Variants in DYNC2H1 observed in about 807,000 individuals in gnomAD.
The protein encoded by DYNC2H1 is dynein cytoplasmic 2 heavy chain 1.
In DYNC2H1, 410 loss-of-function variants were observed where a neutral mutation model predicts 570.0. The observed-to-expected ratio is 0.72, with a 90% CI of 0.66 to 0.78. DYNC2H1 has a LOEUF of 0.78. Ranked by LOEUF, DYNC2H1 falls within the 30% of genes least tolerant of loss-of-function variation. DYNC2H1 has a pLI of 0.00. For synonymous variants in DYNC2H1, 1,688 were observed against 1,677.6 expected, an observed-to-expected ratio of 1.01 and a Z score of -0.15; for missense variants, 4,865 against 5,046.4, an observed-to-expected ratio of 0.96 and a Z score of 1.09.
chr11:103,255,453 A>G lies in DYNC2H1; in HGVS notation c.10245A>G (p.Leu3415=). Residue 3415 remains leucine (L), a synonymous_variant, in exon 67 of 89, where the codon TTA becomes TTG. Coordinates refer to ENST00000375735, the MANE Select transcript of DYNC2H1 (RefSeq NM_001377.3). ...ALTIQHEKPD[L]EEQKTKLLQQ... ...CCATTCAGCATGAGAAACCTGATTT[A>G]GAAGAACAGAAAACAAAACTATTAC... 4 of 1,568,670 alleles carry G rather than the reference A, an allele frequency of 2.5e-6. No individual in the cohort carries two copies. Among genetic ancestry groups the G allele is most frequent in the Middle Eastern group, 3.3e-4 (2 of 5,996 alleles).
chr11:103,341,069 G>C (rs1477918680), intron 82 of DYNC2H1, among the ~76,000 whole-genome samples: 1 of 152,092 alleles, frequency 6.6e-6, no homozygotes, highest in Non-Finnish European at 1.5e-5. Context: ...AGGCAAAGAA[G>C]TGACAAGGCT....
intron 29 of DYNC2H1, 83 bp from the exon 30 acceptor site, chr11:103,162,945 G>T (rs977750694): frequency 1.6e-6 from 2 of 1,248,362 alleles, no homozygotes; most frequent in African/African-American, 1.5e-5. Context: ...TTAGTAGATT[G>T]TATATTTATT....
intron 81 of DYNC2H1, among the ~76,000 whole-genome samples, chr11:103,321,522 T>C (rs978173384): frequency 3.3e-5 from 5 of 152,116 alleles, no homozygotes; most frequent in Admixed American, 6.5e-5. Context: ...AGGACTGCTG[T>C]GAAAAGCTGA....
chr11:103,212,054 G>A (rs1213170622), intron 54 of DYNC2H1, 111 bp downstream of exon 54: 2 of 1,207,364 alleles, frequency 1.7e-6, no homozygotes, highest in Non-Finnish European at 2.1e-6. Context: ...TAAATGTACT[G>A]TATTAAAAGC....
intron 47 of DYNC2H1, among the ~76,000 whole-genome samples, chr11:103,192,885 A>G (rs1026302711): frequency 2.0e-5 from 3 of 152,192 alleles, no homozygotes; most frequent in Non-Finnish European, 4.4e-5. Flanking sequence ...TTCCTAATAA[A>G]ACTGCTGTCA....
Position 103,390,992 on chromosome 11 carries a change from G to C in DYNC2H1, c.12157-8671G>C, listed in dbSNP as rs192708236. On this transcript the variant is annotated intron_variant, in intron 83 of 88. Coordinates refer to ENST00000375735, the MANE Select transcript of DYNC2H1 (RefSeq NM_001377.3). Reference sequence around the variant, plus strand: ...TATGTGTTTTGGAGTTGCTCTTCTCGAGGAGTATCTTTGTGGCATTCTCTG... The same window carrying C: ...TATGTGTTTTGGAGTTGCTCTTCTCCAGGAGTATCTTTGTGGCATTCTCTG... Among the ~76,000 whole-genome samples, 33 of 152,102 alleles carry C rather than the reference G, an allele frequency of 2.2e-4. No homozygotes were observed. The East Asian group carries it at 4.3e-3, about 20-fold the overall frequency.
chr11:103,126,928 G>A (rs1005982287), intron 12 of DYNC2H1, among the ~76,000 whole-genome samples: 4 of 152,146 alleles, frequency 2.6e-5, no homozygotes, highest in Admixed American at 6.5e-5. Context: ...GTGAGCCACC[G>A]CAGCCGGCCT....
rs1939002201 is a variant in DYNC2H1, at chr11:103,334,390, A to C, written c.12039+10400A>C. Among the ~76,000 whole-genome samples the C allele has an allele frequency of 6.6e-6, 1 of 152,180 alleles. No individual in the cohort carries two copies. The highest frequency in any genetic ancestry group is 2.4e-5 in the African/African-American group (1 of 41,466). ...CTACAAGGAATATCTGTTGTAAATC[A>C]ATTATAAATTGTAAATCAATTGTAA... On this transcript the variant is annotated intron_variant, in intron 82 of 88. Coordinates refer to ENST00000375735, the MANE Select transcript of DYNC2H1 (RefSeq NM_001377.3). The surrounding 1 kb of genome is among the most constrained non-coding windows in gnomAD (Gnocchi z 4.3).
At chr11:103,232,140 G>A (rs933819956) in intron 60 of DYNC2H1, among the ~76,000 whole-genome samples, 1 of 151,772 alleles carries the variant, frequency 6.6e-6, no homozygotes, top group African/African-American at 2.4e-5. Flanking sequence ...TTAATATTCA[G>A]CTAATTCTCA....
In DYNC2H1 at chr11:103,199,355, G is replaced by A. The variant is rs200614421; in HGVS notation, c.7967G>A (p.Arg2656His). 1.4e-4 allele frequency: 227 copies of A among 1,612,254 alleles called. No individual in the cohort carries two copies. The highest frequency in any genetic ancestry group is 3.9e-4 in the Middle Eastern group (2 of 5,104). ...GGAGGTTCACTTCTATTAGCAGGAC[G>A]CAGTGGTGTAGGTCGTCGGACCATC... is the stretch of plus-strand genomic sequence containing the variant. ...FPGGSLLLAGRSGVGRRTITS... is the reference protein window; with the variant it reads ...FPGGSLLLAGHSGVGRRTITS... Residue 2656 changes from arginine to histidine, a missense_variant, in exon 49 of 89, where the codon CGC (arginine) becomes CAC (histidine). Transcript: ENST00000375735. The surrounding 1 kb of genome is among the most constrained non-coding windows in gnomAD (Gnocchi z 4.6).
Position 103,286,267 on chromosome 11 carries a change from A to C in DYNC2H1, c.10903A>C (p.Ser3635Arg). The C allele has an allele frequency of 6.2e-7, 1 of 1,613,566 alleles. No individual in the cohort carries two copies. The highest frequency in any genetic ancestry group is 8.5e-7 in the Non-Finnish European group (1 of 1,179,754). Residue 3635 changes from serine (S) to arginine (R), a missense_variant, in exon 74 of 89, where the codon AGT (serine) becomes CGT (arginine). This residue lies in a region of DYNC2H1 where 2,401 missense variants were observed against 2,454.6 expected (regional missense o/e 0.98). Transcript: ENST00000375735. Reference protein sequence around the residue: ...AVATLKIALPSLYQTLCFEDA... With the variant: ...AVATLKIALPRLYQTLCFEDA... ...TTTTATTTTTTAGATTGCTCTCCCCAGTCTTTATCAGACCCTCTGCTTTGA... is the reference window on the plus strand; with the variant it reads ...TTTTATTTTTTAGATTGCTCTCCCCCGTCTTTATCAGACCCTCTGCTTTGA...
intron 73 of DYNC2H1, among the ~76,000 whole-genome samples, chr11:103,285,756 AG>A (rs1003512935): frequency 6.6e-6 from 1 of 152,072 alleles, no homozygotes; most frequent in Non-Finnish European, 1.5e-5. Context: ...TATTCAAGGT[AG>A]GGATTCTTGC....
In DYNC2H1 at chr11:103,275,903, A is replaced by G. The variant is rs962427419; in HGVS notation, c.10696-4445A>G. On this transcript the variant is annotated intron_variant, in intron 70 of 88. Transcript: ENST00000375735. The surrounding 1 kb of genome is among the most constrained non-coding windows in gnomAD (Gnocchi z 4.8). Reference sequence around the variant, plus strand: ...CCAAGGAAGGCAATTTCTGGATCATATGGTAAGAATATGTTTTGTTTTGTA... The same window carrying G: ...CCAAGGAAGGCAATTTCTGGATCATGTGGTAAGAATATGTTTTGTTTTGTA... Among the ~76,000 whole-genome samples the G allele has an allele frequency of 6.6e-6, 1 of 152,196 alleles. No individual in the cohort carries two copies. Among genetic ancestry groups the G allele is most frequent in the African/African-American group, 2.4e-5 (1 of 41,458 alleles).
In DYNC2H1 at chr11:103,133,675, C is replaced by G. The variant is rs748539043; in HGVS notation, c.2074C>G (p.Leu692Val). The G allele has an allele frequency of 1.9e-6, 3 of 1,611,734 alleles. No homozygotes were observed. The highest frequency in any genetic ancestry group is 2.5e-6 in the Non-Finnish European group (3 of 1,178,924). Reference protein sequence around the residue: ...AERLATENRKLRKWHTTFCEK... With the variant: ...AERLATENRKVRKWHTTFCEK... ...ACGGCTTGCCACTGAAAATAGAAAA[C>G]TGAGAAAATGGCACACTACATTTTG... Residue 692 changes from leucine (L) to valine (V), a missense_variant, in exon 14 of 89, where the codon CTG becomes GTG. Physicochemically the swap from Leu to Val is conservative, Grantham distance 32. Coordinates refer to ENST00000375735, the MANE Select transcript of DYNC2H1 (RefSeq NM_001377.3). This position sits in a 1 kb window ranked among gnomAD's most constrained non-coding sequence, Gnocchi z 4.8.
chr11:103,154,340 C>A, intron 22 of DYNC2H1, 111 bp from the exon 23 acceptor site: 1 of 837,680 alleles, frequency 1.2e-6, no homozygotes, highest in Non-Finnish European at 1.7e-6. Context: ...TAAACATACA[C>A]AAGTGTGTGT....
rs1329827077 is a variant in DYNC2H1 at position 103,156,423 on chromosome 11, C to G, written c.3780C>G (p.Ile1260Met). The G allele has an allele frequency of 5.6e-6, 9 of 1,613,504 alleles. No homozygotes were observed. Among genetic ancestry groups the G allele is most frequent in the Non-Finnish European group, 7.6e-6 (9 of 1,179,674 alleles). ...GTCGGGCACAAGGTGAAGTTACAAT[C>G]AGAGAAGCTTTACGTGAACTTGATC... ...LNSRAQGEVT[I>M]REALRELDLW... The change falls in exon 26 of 89, where the codon ATC becomes ATG. Residue 1260 changes from isoleucine (I) to methionine (M), a missense_variant. This residue lies in a region of DYNC2H1 where 1,936 missense variants were observed against 1,962.1 expected (regional missense o/e 0.99). Coordinates refer to ENST00000375735, the MANE Select transcript of DYNC2H1 (RefSeq NM_001377.3).
rs1296968833 is a variant in DYNC2H1, at chr11:103,243,342, CA to C, written c.9820-346del. On this transcript the variant is annotated intron_variant, in intron 63 of 88. Coordinates refer to ENST00000375735, the MANE Select transcript of DYNC2H1 (RefSeq NM_001377.3). This position sits in a 1 kb window ranked among gnomAD's most constrained non-coding sequence, Gnocchi z 4.8. ...TAATTTGACTGTGTATTATAAAAGC[CA>C]AAAAGAATGCTGCAAATGACATCAG... Among the ~76,000 whole-genome samples the C allele has an allele frequency of 1.3e-5, 2 of 151,662 alleles. No homozygotes were observed. The highest frequency in any genetic ancestry group is 2.9e-5 in the Non-Finnish European group (2 of 67,928).
chr11:103,199,245 A>G lies in DYNC2H1; in HGVS notation c.7857A>G (p.Gly2619=), dbSNP rs561223535. 1.2e-5 allele frequency: 19 copies of G among 1,585,288 alleles called. No individual in the cohort carries two copies. In the Admixed American group the frequency reaches 1.9e-4, roughly 16 times the overall value. Residue 2619 remains glycine, a synonymous_variant, in exon 49 of 89, where the codon GGA becomes GGG. Transcript: ENST00000375735. The surrounding 1 kb of genome is among the most constrained non-coding windows in gnomAD (Gnocchi z 4.6). The stretch of plus-strand genomic sequence containing the variant: ...TTTAAAAGGGTCTTATTCATTATGG[A>G]CGAGATAACCAGAATTTAGACATTT... ...DVIKKGLIHY[G]RDNQNLDILL...
rs757571550 is a variant in DYNC2H1, at chr11:103,321,232, A to C, written c.11929A>C (p.Ile3977Leu). ...CGTATCTCTACCACAATCCTGCAGC[A>C]TTTTGGTAGGTAAAATGAATGATTT... is the stretch of plus-strand genomic sequence containing the variant. ...YSVSLPQSCS[I>L]LDYRAVIEKI... The change falls in exon 81 of 89, where the codon ATT (isoleucine) becomes CTT (leucine). Residue 3977 changes from isoleucine to leucine, a missense_variant. Ile to Leu is a conservative substitution (Grantham distance 5). Coordinates refer to ENST00000375735, the MANE Select transcript of DYNC2H1 (RefSeq NM_001377.3). 28 of 1,604,836 alleles carry C rather than the reference A, an allele frequency of 1.7e-5. No individual in the cohort carries two copies. In the East Asian group the frequency reaches 5.4e-4, roughly 31 times the overall value.
Sources: gnomAD v4.1 joint callset for allele counts (sites outside exome capture counted in the v4.1 genomes callset) on GRCh38, gnomAD v4.1.1 for gene constraint, gnomAD v4.1.1 regional missense constraint, Gnocchi (gnomAD v3.1) non-coding constraint, MANE v1.5 for transcripts, NCBI Gene and HGNC (gene_info 2026-07-23, HGNC 2026-07-21) for gene names.